Variants in TFEC observed in about 807,000 individuals in gnomAD.
TFEC encodes class E basic helix-loop-helix protein 34.
In TFEC, 31 loss-of-function variants were observed where a neutral mutation model predicts 41.6. The ratio of observed to expected loss-of-function variants is 0.74; its 90% CI spans 0.56 to 1.01. The LOEUF (loss-of-function observed/expected upper bound fraction) is 1.01, where lower values mean the gene tolerates loss of function less well. TFEC is among the 50% of genes least tolerant of loss of function. The pLI is 0.00. For synonymous variants in TFEC, 143 were observed against 140.6 expected, an observed-to-expected ratio of 1.02 and a Z score of -0.12; for missense variants, 402 against 404.1, an observed-to-expected ratio of 0.99 and a Z score of 0.04.
rs1361399516 is a variant in TFEC, at chr7:115,936,034, C to T, written c.*4517G>A. ...CGGATAATCTCCTATACATTCAAAT[C>T]TCTATGGACCTCAGAGGGAAAATGT... On this transcript the variant is annotated 3_prime_UTR_variant, in exon 8 of 8. Coordinates refer to ENST00000265440, the MANE Select transcript of TFEC (RefSeq NM_012252.4). The T allele has an allele frequency of 6.6e-6, 1 of 151,482 alleles. No individual in the cohort carries two copies. Among genetic ancestry groups the T allele is most frequent in the Non-Finnish European group, 1.5e-5 (1 of 67,584 alleles). The allele number at this position is 151,482 out of a possible 1,614,324, so 9.4% of individuals were successfully genotyped here. A position where few individuals can be genotyped will look rare whatever the true frequency, so the allele number is the denominator to read the frequency against.
intron 3 of TFEC, among the ~76,000 whole-genome samples, chr7:116,038,116 T>C (rs879452958): frequency 6.6e-6 from 1 of 152,050 alleles, no homozygotes; most frequent in Non-Finnish European, 1.5e-5. Context: ...CAAATCAGTT[T>C]ATAAGAACAA....
chr7:115,958,475 T>C (rs1184628771), intron 3 of TFEC, among the ~76,000 whole-genome samples: 13 of 151,744 alleles, frequency 8.6e-5, no homozygotes, highest in Admixed American at 7.9e-4. Context: ...GGGACAGAAC[T>C]AGGAAAAGGG....
chr7:116,047,151 T>C (rs760066982), intron 3 of TFEC, among the ~76,000 whole-genome samples: 60 of 152,128 alleles, frequency 3.9e-4, no homozygotes, highest in Non-Finnish European at 5.3e-4. Context: ...ACCAGGTTCA[T>C]CTCACAGGGG....
chr7:116,050,841 T>A (rs1796291773), intron 3 of TFEC, among the ~76,000 whole-genome samples: 1 of 152,210 alleles, frequency 6.6e-6, no homozygotes, highest in Non-Finnish European at 1.5e-5. Context: ...TAAAGACACA[T>A]GCACATGTAT....
Position 115,956,732 on chromosome 7 carries a change from C to G in TFEC, c.329G>C (p.Gly110Ala). The change falls in exon 4 of 8, where the codon GGG becomes GCG. Residue 110 changes from glycine to alanine, a missense_variant. Physicochemically the swap from Gly to Ala is moderately conservative, Grantham distance 60 (BLOSUM62 0). Coordinates refer to ENST00000265440, the MANE Select transcript of TFEC (RefSeq NM_012252.4). ...GEQGISPINM[G>A]LTSASCPSSL... is the part of the protein sequence containing the mutation. The stretch of plus-strand genomic sequence containing the variant: ...ACTTGGACAAGAAGCACTTGTAAGC[C>G]CCATGTTAATTGGTGAAATTCCTTG... 6.2e-7 allele frequency: 1 copy of G among 1,610,298 alleles called. No individual in the cohort carries two copies. The highest frequency in any genetic ancestry group is 1.1e-5 in the South Asian group (1 of 90,794).
chr7:115,951,624 A>T (rs1791948538), intron 5 of TFEC, among the ~76,000 whole-genome samples: 1 of 152,116 alleles, frequency 6.6e-6, no homozygotes, highest in Non-Finnish European at 1.5e-5. Context: ...ACACACTTAA[A>T]GATTCTAATT....
In TFEC at chr7:115,945,198, G is replaced by A. The variant is rs151280185; in HGVS notation, c.516-3158C>T. On this transcript the variant is annotated intron_variant, in intron 6 of 7. Transcript: ENST00000265440. Reference sequence around the variant, plus strand: ...TTCCTCATTGTCATAACATAATAATGTCATTTCTTCTTTTATTTTCTCACC... The same window carrying A: ...TTCCTCATTGTCATAACATAATAATATCATTTCTTCTTTTATTTTCTCACC... Among the ~76,000 whole-genome samples the A allele has an allele frequency of 4.7e-5, 7 of 148,196 alleles. No homozygotes were observed. In the East Asian group the frequency reaches 1.4e-3, roughly 30 times the overall value.
At chr7:115,956,647 T>C (rs1792249417) in intron 4 of TFEC, 32 bp downstream of exon 4, 1 of 1,501,654 alleles carries the variant, frequency 6.7e-7, no homozygotes, top group Admixed American at 1.9e-5. Context: ...TTAATAAAAA[T>C]AAAAAGGGTA....
intron 1 of TFEC, 21 bp downstream of exon 1, chr7:116,030,612 C>A (rs1403713867): frequency 1.0e-6 from 1 of 984,860 alleles, no homozygotes; most frequent in African/African-American, 1.7e-5. Context: ...AGAAAATTAA[C>A]CTGCCGGTTT....
At chr7:115,959,887 A>G (rs1256328808) in intron 3 of TFEC, among the ~76,000 whole-genome samples, 1 of 151,632 alleles carries the variant, frequency 6.6e-6, no homozygotes, top group East Asian at 1.9e-4. Flanking sequence ...TAAATTACAG[A>G]TAACAGGAGT....
intron 3 of TFEC, among the ~76,000 whole-genome samples, chr7:115,967,474 T>C (rs1335224827): frequency 1.3e-5 from 2 of 151,840 alleles, no homozygotes; most frequent in Non-Finnish European, 2.9e-5. Flanking sequence ...ATTATTGTCT[T>C]TCCTTTTGGG....
At chr7:115,979,086 G>C (rs747208608) in intron 2 of TFEC, among the ~76,000 whole-genome samples, 6 of 152,122 alleles carry the variant, frequency 3.9e-5, no homozygotes. Context: ...TTTTAAGGGA[G>C]AGTCTCACTT....
At chr7:116,157,147 T>C (rs1798886592) in intron 1 of TFEC, among the ~76,000 whole-genome samples, 1 of 152,124 alleles carries the variant, frequency 6.6e-6, no homozygotes, top group South Asian at 2.1e-4. Context: ...TTCCCTAAAA[T>C]TTTCCTATAT....
At chr7:116,108,949 C>T (rs1395879978) in intron 3 of TFEC, among the ~76,000 whole-genome samples, 39 of 152,060 alleles carry the variant, frequency 2.6e-4, no homozygotes, top group Non-Finnish European at 1.6e-4. Context: ...CCTTCCCAAA[C>T]CTGACAAAAA....
chr7:116,047,100 C>T (rs6952598), intron 3 of TFEC, among the ~76,000 whole-genome samples: 29,136 of 152,058 alleles, frequency 0.19, 2,830 homozygotes, highest in East Asian at 0.32. Context: ...CCAGTGTGAG[C>T]GACGCAGAAG....
At chr7:115,945,754 T>G (rs532104708) in intron 6 of TFEC, among the ~76,000 whole-genome samples, 118 of 151,886 alleles carry the variant, frequency 7.8e-4, no homozygotes, top group Non-Finnish European at 1.3e-3. Flanking sequence ...GCAATGCAGT[T>G]TTCCCAATTC....
intron 3 of TFEC, among the ~76,000 whole-genome samples, chr7:116,058,403 A>AAAAAATAGAAAATTAG (rs1554411062): frequency 1.3e-5 from 2 of 150,864 alleles, no homozygotes; most frequent in South Asian, 4.2e-4. Context: ...ATCAGAATCA[A>AAAAAATAGAAAATTAG]AAAATAGAAA....
intron 3 of TFEC, among the ~76,000 whole-genome samples, chr7:116,067,963 T>C (rs368053104): frequency 2.0e-5 from 3 of 151,826 alleles, no homozygotes; most frequent in East Asian, 3.9e-4. Flanking sequence ...CCCAAAATTT[T>C]CTCACCATGT....
chr7:115,957,929 A>AT (rs1792320909), intron 3 of TFEC, among the ~76,000 whole-genome samples: 1 of 151,936 alleles, frequency 6.6e-6, no homozygotes, highest in African/African-American at 2.4e-5. Flanking sequence ...TACAGTATAT[A>AT]TAATAAATGT....
Sources: allele counts gnomAD v4.1 joint callset (sites outside exome capture counted in the v4.1 genomes callset), GRCh38; gene constraint gnomAD v4.1.1; transcripts MANE v1.5; gene names NCBI Gene and HGNC (gene_info 2026-07-23, HGNC 2026-07-21).